NXPH1: variants seen among roughly 807,000 people sequenced by gnomAD.
NXPH1 encodes neurexophilin 1, also known as neurexophilin-1.
A neutral mutation model predicts 23.7 loss-of-function variants in NXPH1; 5 were observed. The ratio of observed to expected loss-of-function variants is 0.21; its 90% CI spans 0.11 to 0.44. The LOEUF is 0.44. Among genes scored for constraint, NXPH1 ranks in the 20% least tolerant of loss-of-function variants. The pLI, the probability that NXPH1 is intolerant of heterozygous loss-of-function variation, is 0.99. For missense variants in NXPH1, 324 were observed against 321.6 expected, an observed-to-expected ratio of 1.01 and a Z score of -0.06; for synonymous variants, 144 against 122.2, an observed-to-expected ratio of 1.18 and a Z score of -1.18.
chr7:8,516,066 C>T lies in NXPH1; in HGVS notation c.54+80299C>T, dbSNP rs78165343. Among the ~76,000 whole-genome samples, 579 of 152,202 alleles carry T rather than the reference C, an allele frequency of 3.8e-3. 6 individuals are homozygous for T. Among genetic ancestry groups the T allele is most frequent in the African/African-American group, 0.013 (535 of 41,554 alleles). On this transcript the variant is annotated intron_variant, in intron 2 of 2. Transcript: ENST00000405863. ...TTGATTGTTTACTCATCTGTAACACCATAGGCTATTATTCAAATCCTGCTT... is the reference window on the plus strand; with the variant it reads ...TTGATTGTTTACTCATCTGTAACACTATAGGCTATTATTCAAATCCTGCTT...
intron 2 of NXPH1, among the ~76,000 whole-genome samples, chr7:8,591,703 C>T (rs1819097413): frequency 6.6e-6 from 1 of 151,892 alleles, no homozygotes; most frequent in Non-Finnish European, 1.5e-5. Flanking sequence ...GTTTTATTTC[C>T]CCTGGCACCT....
At chr7:8,460,058 G>A (rs964455333) in intron 2 of NXPH1, among the ~76,000 whole-genome samples, 3 of 152,136 alleles carry the variant, frequency 2.0e-5, no homozygotes, top group Admixed American at 1.3e-4. Context: ...GTTTTGTTCA[G>A]ATGAGTAAAT....
chr7:8,507,379 G>T (rs887671381), intron 2 of NXPH1, among the ~76,000 whole-genome samples: 1 of 151,250 alleles, frequency 6.6e-6, no homozygotes, highest in African/African-American at 2.5e-5. Flanking sequence ...TAGCCACTAT[G>T]ATGATGGTGA....
chr7:8,636,820 G>C (rs1820224682), intron 2 of NXPH1, among the ~76,000 whole-genome samples: 1 of 152,118 alleles, frequency 6.6e-6, no homozygotes, highest in African/African-American at 2.4e-5. Flanking sequence ...GTTAATTTGG[G>C]ATTCTTACTT....
chr7:8,579,614 C>T lies in NXPH1; in HGVS notation c.54+143847C>T, dbSNP rs945806426. 3.5e-4 allele frequency among the ~76,000 whole-genome samples: 53 copies of T among 152,090 alleles called. 1 individual carries two copies. Among genetic ancestry groups the T allele is most frequent in the African/African-American group, 1.2e-3 (49 of 41,390 alleles). ...CTCAAACTCCTGACCTCAGATGATC[C>T]GCCCACCTCAGACTCCCAAAGTGCT... On this transcript the variant is annotated intron_variant, in intron 2 of 2. Transcript: ENST00000405863.
chr7:8,567,244 G>C (rs866978095), intron 2 of NXPH1, among the ~76,000 whole-genome samples: 1 of 151,988 alleles, frequency 6.6e-6, no homozygotes, highest in African/African-American at 2.4e-5. Flanking sequence ...GAGAAGCCCT[G>C]TTTCATTTTA....
intron 2 of NXPH1, among the ~76,000 whole-genome samples, chr7:8,672,909 T>G (rs538522401): frequency 6.6e-6 from 1 of 152,194 alleles, no homozygotes; most frequent in South Asian, 2.1e-4. Context: ...GGCAAGGTGG[T>G]AGAGTGAAAA....
intron 2 of NXPH1, among the ~76,000 whole-genome samples, chr7:8,541,748 A>G (rs1331165966): frequency 6.6e-6 from 1 of 151,674 alleles, no homozygotes; most frequent in Non-Finnish European, 1.5e-5. Context: ...ATGGAAGTAT[A>G]TTAATATAAG....
intron 2 of NXPH1, among the ~76,000 whole-genome samples, chr7:8,655,600 A>ATG (rs71017606): frequency 0.53 from 19,196 of 36,528 alleles, 8,036 homozygotes; most frequent in East Asian, 1. Flanking sequence ...GTGTATGTTT[A>ATG]TGTGTGTGTG....
chr7:8,715,774 G>A (rs1779866822), intron 2 of NXPH1, among the ~76,000 whole-genome samples: 1 of 152,102 alleles, frequency 6.6e-6, no homozygotes, highest in African/African-American at 2.4e-5. Context: ...AAGACTACGG[G>A]TGTGGGACAG....
intron 2 of NXPH1, among the ~76,000 whole-genome samples, chr7:8,670,182 CT>C (rs1219306797): frequency 6.6e-6 from 1 of 152,164 alleles, no homozygotes; most frequent in Non-Finnish European, 1.5e-5. Context: ...CTTTGATTCT[CT>C]TTCTTTTGTT....
chr7:8,598,119 A>G (rs961735143), intron 2 of NXPH1, among the ~76,000 whole-genome samples: 6 of 152,158 alleles, frequency 3.9e-5, no homozygotes, highest in Admixed American at 3.9e-4. Flanking sequence ...TATATAGAGC[A>G]TATGTCATCC....
chr7:8,519,232 AATT>A (rs1214483057), intron 2 of NXPH1, among the ~76,000 whole-genome samples: 2 of 152,160 alleles, frequency 1.3e-5, no homozygotes, highest in African/African-American at 2.4e-5. Flanking sequence ...TGGTGTAAAA[AATT>A]ATAAAAAAGG....
intron 2 of NXPH1, among the ~76,000 whole-genome samples, chr7:8,577,110 C>G (rs576274055): frequency 3.3e-5 from 5 of 152,068 alleles, no homozygotes; most frequent in Admixed American, 2.6e-4. Context: ...ATTCTAAAAG[C>G]TCAAATCCTC....
At chr7:8,450,668 G>A (rs564852882) in intron 2 of NXPH1, among the ~76,000 whole-genome samples, 2 of 152,220 alleles carry the variant, frequency 1.3e-5, no homozygotes, top group African/African-American at 4.8e-5. Context: ...GCTTAGTTAT[G>A]CCTTGGGGCA....
intron 2 of NXPH1, among the ~76,000 whole-genome samples, chr7:8,657,247 T>C (rs749159708): frequency 2.6e-5 from 4 of 152,230 alleles, no homozygotes; most frequent in Admixed American, 2.6e-4. Flanking sequence ...CATAAGGTAG[T>C]GCAAGTGCCA....
At chr7:8,475,237 C>A (rs1816949941) in intron 2 of NXPH1, among the ~76,000 whole-genome samples, 1 of 152,064 alleles carries the variant, frequency 6.6e-6, no homozygotes, top group Non-Finnish European at 1.5e-5. Flanking sequence ...TCTGGCCTGT[C>A]CCTCAGAGGC....
intron 2 of NXPH1, among the ~76,000 whole-genome samples, chr7:8,461,716 G>A (rs1816698368): frequency 6.6e-6 from 1 of 150,514 alleles, no homozygotes; most frequent in Non-Finnish European, 1.5e-5. Flanking sequence ...TGTAGTCCCA[G>A]CTACTCGGGA....
In NXPH1 at chr7:8,445,030, C is replaced by T. The variant is rs185572448; in HGVS notation, c.54+9263C>T. ...TGTATGATGTAGGGCATGATTTCCT[C>T]CCACCCTCTTCATTTTTAGAGGCTT... On this transcript the variant is annotated intron_variant, in intron 2 of 2. Coordinates refer to ENST00000405863, the MANE Select transcript of NXPH1 (RefSeq NM_152745.3). 5.4e-4 allele frequency among the ~76,000 whole-genome samples: 82 copies of T among 152,318 alleles called. 1 individual carries two copies. Among genetic ancestry groups the T allele is most frequent in the African/African-American group, 1.9e-3 (77 of 41,564 alleles).
Sources: gnomAD v4.1 joint callset for allele counts (sites outside exome capture counted in the v4.1 genomes callset) on GRCh38, gnomAD v4.1.1 for gene constraint, MANE v1.5 for transcripts, NCBI Gene and HGNC (gene_info 2026-07-23, HGNC 2026-07-21) for gene names.